The following CACNA1B variants were observed in gnomAD, a reference collection of about 807,000 sequenced individuals.
The protein encoded by CACNA1B is calcium voltage-gated channel subunit alpha1 B.
Under a neutral mutation model 247.2 loss-of-function variants are expected in CACNA1B, and 70 were observed. The ratio of observed to expected loss-of-function variants is 0.28; its 90% CI spans 0.23 to 0.35. The LOEUF is 0.35. CACNA1B is among the 10% of genes least tolerant of loss of function. CACNA1B has a pLI of 1.00. For missense variants in CACNA1B, 2,367 were observed against 3,197.4 expected, an observed-to-expected ratio of 0.74 and a Z score of 6.26; for synonymous variants, 1,231 against 1,294.4, an observed-to-expected ratio of 0.95 and a Z score of 1.05.
intron 1 of CACNA1B, 41 bp downstream of exon 1, chr9:137,878,258 CG>C: frequency 4.1e-6 from 1 of 243,176 alleles, no homozygotes; most frequent in Non-Finnish European, 6.3e-6. Flanking sequence ...GGGCGGGGAC[CG>C]GGGTGGGGGC....
At chr9:138,103,829 G>A (rs1961334893) in intron 38 of CACNA1B, among the ~76,000 whole-genome samples, 2 of 152,238 alleles carry the variant, frequency 1.3e-5, no homozygotes, top group Admixed American at 6.5e-5. Flanking sequence ...GACAGCTGTT[G>A]TCCACACTGG....
At chr9:137,953,104 G>T (rs530939431) in intron 7 of CACNA1B, among the ~76,000 whole-genome samples, 1 of 152,294 alleles carries the variant, frequency 6.6e-6, no homozygotes, top group South Asian at 2.1e-4. Context: ...GGCCAGGTGG[G>T]CCTGTGGGCA....
In CACNA1B at chr9:137,891,858, C is replaced by T; in HGVS notation, c.530+8975C>T. On this transcript the variant is annotated intron_variant, in intron 3 of 46. Transcript: ENST00000371372. The surrounding 1 kb of genome is among the most constrained non-coding windows in gnomAD (Gnocchi z 4.3). Reference sequence around the variant, plus strand: ...ACGCAGATTCATTCCTAGCAGGTCACATGGTAGCACCCCCCACCCAGTCCC... The same window carrying T: ...ACGCAGATTCATTCCTAGCAGGTCATATGGTAGCACCCCCCACCCAGTCCC... 2.8e-6 allele frequency: 1 copy of T among 360,054 alleles called. No individual in the cohort carries two copies. The highest frequency in any genetic ancestry group is 5.5e-6 in the Non-Finnish European group (1 of 181,240). 22.3% of individuals were successfully genotyped at this position (360,054 alleles called of 1,614,324 possible).
rs199651949 is a variant in CACNA1B, at chr9:138,075,943, G to A, written c.4949+33G>A. 141 of 1,407,726 alleles carry A rather than the reference G, an allele frequency of 1.0e-4. 7 individuals carry two copies. In the African/African-American group the frequency reaches 1.4e-3, roughly 13 times the overall value. 87.2% of individuals were successfully genotyped at this position (1,407,726 alleles called of 1,614,324 possible). ...GTTCGGTCAGCCCAGGCCAATGTCT[G>A]CTCTTCCGTCGGGGGCTGCTTTACT... is the stretch of plus-strand genomic sequence containing the variant. On this transcript the variant is annotated intron_variant, in intron 35 of 46. Coordinates refer to ENST00000371372, the MANE Select transcript of CACNA1B (RefSeq NM_000718.4).
intron 40 of CACNA1B, 29 bp from the exon 41 acceptor site, chr9:138,114,349 C>A: frequency 8.4e-7 from 1 of 1,193,398 alleles, no homozygotes; most frequent in Non-Finnish European, 1.2e-6. Context: ...CCCCCTTCTC[C>A]GAATCTCAAC....
intron 31 of CACNA1B, among the ~76,000 whole-genome samples, chr9:138,064,108 G>A (rs73573960): frequency 0.011 from 1,666 of 152,194 alleles, 31 homozygotes; most frequent in African/African-American, 0.038. Context: ...AGATGGAGCC[G>A]CAATCTCATT....
chr9:137,889,963 C>T (rs1260600771), intron 3 of CACNA1B: 4 of 148,742 alleles, frequency 2.7e-5, no homozygotes, highest in Admixed American at 2.0e-4. Flanking sequence ...CCCCCAGGGT[C>T]CCCTGATTCT....
rs1028459083 is a variant in CACNA1B at position 137,917,055 on chromosome 9, G to A, written c.776-186G>A. Among the ~76,000 whole-genome samples the A allele has an allele frequency of 6.6e-6, 1 of 152,118 alleles. No homozygotes were observed. The highest frequency in any genetic ancestry group is 6.5e-5 in the Admixed American group (1 of 15,280). ...CCCTGAGTTGGTCACTCGTGAGCTC[G>A]GGGTCAGCAAGAGGCGATGCCTGAT... On this transcript the variant is annotated intron_variant, in intron 5 of 46. Coordinates refer to ENST00000371372, the MANE Select transcript of CACNA1B (RefSeq NM_000718.4). The surrounding 1 kb of genome is among the most constrained non-coding windows in gnomAD (Gnocchi z 5.5).
chr9:137,996,549 C>T (rs373573328), intron 15 of CACNA1B, among the ~76,000 whole-genome samples: 4 of 152,164 alleles, frequency 2.6e-5, no homozygotes, highest in East Asian at 1.9e-4. Context: ...AAAACTACAG[C>T]GTATGCTGCT....
chr9:137,917,336 A>G lies in CACNA1B; in HGVS notation c.871A>G (p.Asn291Asp). ...GTGCCGGGAGTACTGGCCAGGACCCAACTTTGGCATCACCAACTTTGACAA... is the reference window on the plus strand; with the variant it reads ...GTGCCGGGAGTACTGGCCAGGACCCGACTTTGGCATCACCAACTTTGACAA... The part of the protein sequence containing the change: ...TECREYWPGP[N>D]FGITNFDNIL... Residue 291 changes from asparagine to aspartate, a missense_variant, in exon 6 of 47, where the codon AAC becomes GAC. Transcript: ENST00000371372. The surrounding 1 kb of genome is among the most constrained non-coding windows in gnomAD (Gnocchi z 5.5). The G allele has an allele frequency of 6.2e-7, 1 of 1,614,006 alleles. No individual in the cohort carries two copies. Among genetic ancestry groups the G allele is most frequent in the Non-Finnish European group, 8.5e-7 (1 of 1,179,874 alleles).
rs1258846501 is a variant in CACNA1B at position 138,122,117 on chromosome 9, T to G, written c.*118T>G. The G allele has an allele frequency of 1.1e-6, 1 of 882,140 alleles. No homozygotes were observed. Among genetic ancestry groups the G allele is most frequent in the Non-Finnish European group, 1.7e-6 (1 of 592,324 alleles). 54.6% of individuals were successfully genotyped at this position (882,140 alleles called of 1,614,324 possible). A position where few individuals can be genotyped will look rare whatever the true frequency, so the allele number is the denominator to read the frequency against. The stretch of plus-strand genomic sequence containing the variant: ...GAGGCCTTGCCCACCTTGGTGAGGC[T>G]CCTGTGGCCCCTCCCTCCCCCTCCT... On this transcript the variant is annotated 3_prime_UTR_variant, in exon 47 of 47. Transcript: ENST00000371372.
At chr9:137,945,187 T>G (rs1957780879) in intron 6 of CACNA1B, among the ~76,000 whole-genome samples, 1 of 152,154 alleles carries the variant, frequency 6.6e-6, no homozygotes, top group South Asian at 2.1e-4. Context: ...TAGTAGAAAA[T>G]CAGACGTTTT....
intron 42 of CACNA1B, 149 bp downstream of exon 42, chr9:138,115,828 C>A: frequency 1.3e-6 from 1 of 758,216 alleles, no homozygotes; most frequent in Non-Finnish European, 2.1e-6. Context: ...AGGGGCGTGT[C>A]TGCCATCCGA....
Position 137,891,046 on chromosome 9 carries a change from G to T in CACNA1B, c.530+8163G>T, listed in dbSNP as rs1957092087. 2.0e-5 allele frequency: 3 copies of T among 152,162 alleles called. No individual in the cohort carries two copies. The highest frequency in any genetic ancestry group is 2.1e-4 in the South Asian group (1 of 4,828). The allele number at this position is 152,162 out of a possible 1,614,324, so 9.4% of individuals were successfully genotyped here. On this transcript the variant is annotated intron_variant, in intron 3 of 46. Coordinates refer to ENST00000371372, the MANE Select transcript of CACNA1B (RefSeq NM_000718.4). The surrounding 1 kb of genome is among the most constrained non-coding windows in gnomAD (Gnocchi z 4.3). ...GGGACACAGCTGTGTGGTGTCGGGG[G>T]CACACGCCCACTCCTGGGACCATGG...
In CACNA1B at chr9:137,950,391, G is replaced by A. The variant is rs1449234897; in HGVS notation, c.967-1883G>A. Among the ~76,000 whole-genome samples, 4 of 152,234 alleles carry A rather than the reference G, an allele frequency of 2.6e-5. No individual in the cohort carries two copies. The highest frequency in any genetic ancestry group is 4.4e-5 in the Non-Finnish European group (3 of 68,038). ...ACTGCCTGTGTAAATGGAAGTCAAGGTGTCCCGTGTGGTCTTCACTAGTAC... is the reference window on the plus strand; with the variant it reads ...ACTGCCTGTGTAAATGGAAGTCAAGATGTCCCGTGTGGTCTTCACTAGTAC... On this transcript the variant is annotated intron_variant, in intron 6 of 46. Transcript: ENST00000371372. The surrounding 1 kb of genome is among the most constrained non-coding windows in gnomAD (Gnocchi z 4.8).
intron 26 of CACNA1B, among the ~76,000 whole-genome samples, chr9:138,056,118 TGC>T (rs1959487138): frequency 6.6e-6 from 1 of 152,172 alleles, no homozygotes. Context: ...ACTTACAGTG[TGC>T]AATTAAGTGG....
intron 10 of CACNA1B, among the ~76,000 whole-genome samples, chr9:137,964,270 T>C (rs570736044): frequency 1.3e-5 from 2 of 152,356 alleles, no homozygotes; most frequent in East Asian, 3.9e-4. Context: ...TCCTGGATGA[T>C]ATCCTGAAGT....
intron 35 of CACNA1B, 81 bp from the exon 36 acceptor site, chr9:138,078,033 G>A: frequency 4.6e-6 from 6 of 1,290,680 alleles, no homozygotes; most frequent in Non-Finnish European, 5.4e-6. Context: ...GCCCAAAGGA[G>A]TGGGCACGCT....
At chr9:137,939,803 AAAATAAAT>A (rs756173569) in intron 6 of CACNA1B, among the ~76,000 whole-genome samples, 107 of 143,824 alleles carry the variant, frequency 7.4e-4, no homozygotes, top group South Asian at 1.8e-3. Flanking sequence ...ACTCCGTCTC[AAAATAAAT>A]AAATAAATAA....
Sources: allele counts gnomAD v4.1 joint callset (sites outside exome capture counted in the v4.1 genomes callset), GRCh38; gene constraint gnomAD v4.1.1; non-coding constraint Gnocchi (gnomAD v3.1); transcripts MANE v1.5; gene names NCBI Gene and HGNC (gene_info 2026-07-23, HGNC 2026-07-21).